The following JMJD1C variants were observed in gnomAD, a reference collection of about 807,000 sequenced individuals.
The protein encoded by JMJD1C is jumonji domain-containing protein 1C.
Under a neutral mutation model 245.3 loss-of-function variants are expected in JMJD1C, and 31 were observed. The ratio of observed to expected loss-of-function variants is 0.13; its 90% confidence interval spans 0.09 to 0.17. The LOEUF (loss-of-function observed/expected upper bound fraction) is 0.17. Among genes scored for constraint, JMJD1C ranks in the 10% least tolerant of loss-of-function variants. JMJD1C has a pLI of 1.00. For synonymous variants in JMJD1C, 1,057 were observed against 1,017.4 expected, an observed-to-expected ratio of 1.04 and a Z score of -0.74; for missense variants, 2,691 against 3,000.2, an observed-to-expected ratio of 0.90 and a Z score of 2.41.
At chr10:63,304,400 G>A (rs1033725927) in intron 2 of JMJD1C, among the ~76,000 whole-genome samples, 2 of 145,980 alleles carry the variant, frequency 1.4e-5, no homozygotes, top group African/African-American at 4.9e-5. Flanking sequence ...AAGATTCACA[G>A]CCAGGAATTT....
At chr10:63,443,886 C>G (rs1951538435) in intron 1 of JMJD1C, among the ~76,000 whole-genome samples, 1 of 152,160 alleles carries the variant, frequency 6.6e-6, no homozygotes, top group South Asian at 2.1e-4. Flanking sequence ...CCAAGGGTAT[C>G]AGAAGCTCTG....
chr10:63,217,301 C>CAA lies in JMJD1C; in HGVS notation c.583_584insTT (p.Arg195IlefsTer16). ...GGTGGCAGAGTCTTGTCTATATACT[C>CAA]TCACTCTGTATCCATTTAAGGAATA... On this transcript the variant is annotated frameshift_variant, in exon 5 of 26. Coordinates refer to ENST00000399262, the MANE Select transcript of JMJD1C (RefSeq NM_032776.3). LOFTEE classifies it high-confidence loss of function. 6.2e-7 allele frequency: 1 copy of CAA among 1,605,828 alleles called. No individual in the cohort carries two copies. Among genetic ancestry groups the CAA allele is most frequent in the East Asian group, 2.2e-5 (1 of 44,658 alleles).
At chr10:63,503,357 A>C (rs981934633) in intron 1 of JMJD1C, among the ~76,000 whole-genome samples, 2 of 152,208 alleles carry the variant, frequency 1.3e-5, no homozygotes, top group African/African-American at 4.8e-5. Context: ...AAAAACTGGG[A>C]GACAAATTAT....
chr10:63,337,436 C>T (rs931057860), intron 2 of JMJD1C, among the ~76,000 whole-genome samples: 20 of 97,696 alleles, frequency 2.0e-4, no homozygotes, highest in African/African-American at 2.2e-4. Flanking sequence ...AGTGAGCCTC[C>T]GTCAGAAAGA....
chr10:63,500,964 A>G (rs1471185017), intron 1 of JMJD1C, among the ~76,000 whole-genome samples: 1 of 152,232 alleles, frequency 6.6e-6, no homozygotes, highest in East Asian at 1.9e-4. Context: ...TCCTCTGTAT[A>G]TCACTTTAAA....
intron 2 of JMJD1C, among the ~76,000 whole-genome samples, chr10:63,365,054 C>T (rs978698984): frequency 2.0e-5 from 3 of 152,174 alleles, no homozygotes; most frequent in Non-Finnish European, 2.9e-5. Flanking sequence ...ATTATTCTAC[C>T]TATGCCAGCT....
intron 1 of JMJD1C, among the ~76,000 whole-genome samples, chr10:63,449,073 C>CA (rs1278940788): frequency 6.6e-6 from 1 of 152,078 alleles, no homozygotes; most frequent in Non-Finnish European, 1.5e-5. Context: ...GCCAAGATCT[C>CA]ACCACTGCAC....
At chr10:63,486,437 A>C (rs915565598) in intron 1 of JMJD1C, among the ~76,000 whole-genome samples, 3 of 152,216 alleles carry the variant, frequency 2.0e-5, no homozygotes, top group African/African-American at 7.2e-5. Context: ...GCAAGGAAGC[A>C]AAGGAATCAG....
chr10:63,203,978 A>T (rs1481054265), intron 10 of JMJD1C: 1 of 983,826 alleles, frequency 1.0e-6, no homozygotes, highest in Admixed American at 6.2e-5. Flanking sequence ...ACTTATGAAA[A>T]CTCCCAACTT....
intron 8 of JMJD1C, among the ~76,000 whole-genome samples, chr10:63,213,225 A>G (rs1359177365): frequency 3.3e-5 from 5 of 151,456 alleles, no homozygotes; most frequent in African/African-American, 1.2e-4. Flanking sequence ...CCAAAAATTT[A>G]AATCTATAAT....
intron 1 of JMJD1C, among the ~76,000 whole-genome samples, chr10:63,399,612 T>C (rs867245628): frequency 1.8e-4 from 28 of 152,154 alleles, no homozygotes; most frequent in Admixed American, 5.2e-4. Context: ...GAAATAATAA[T>C]ACTAACACTA....
chr10:63,289,838 A>G (rs1169749810), intron 2 of JMJD1C, among the ~76,000 whole-genome samples: 3 of 152,160 alleles, frequency 2.0e-5, no homozygotes, highest in African/African-American at 7.2e-5. Flanking sequence ...AAATTATGGC[A>G]TTTTAGAAAG....
intron 2 of JMJD1C, among the ~76,000 whole-genome samples, chr10:63,270,945 C>T (rs573445019): frequency 6.6e-6 from 1 of 152,136 alleles, no homozygotes; most frequent in East Asian, 1.9e-4. Flanking sequence ...TTAGAGCATC[C>T]AGCGAAAATT....
At chr10:63,209,777 C>T (rs897382890) in intron 8 of JMJD1C, among the ~76,000 whole-genome samples, 4 of 152,124 alleles carry the variant, frequency 2.6e-5, no homozygotes, top group African/African-American at 7.2e-5. Flanking sequence ...CAAGGTTGCA[C>T]CATTAAGCTT....
chr10:63,215,480 T>C (rs747554880), intron 6 of JMJD1C, 25 bp from the exon 7 acceptor site: 1 of 1,613,340 alleles, frequency 6.2e-7, no homozygotes, highest in Non-Finnish European at 8.5e-7. Flanking sequence ...TTAACAGTAA[T>C]TGTTTACTAC....
At chr10:63,430,917 T>C (rs1273995455) in intron 1 of JMJD1C, among the ~76,000 whole-genome samples, 1 of 152,166 alleles carries the variant, frequency 6.6e-6, no homozygotes, top group African/African-American at 2.4e-5. Flanking sequence ...CTAATTTTTG[T>C]TTTGTTTTGT....
intron 3 of JMJD1C, among the ~76,000 whole-genome samples, chr10:63,254,637 C>T (rs755830980): frequency 1.3e-5 from 2 of 152,012 alleles, no homozygotes; most frequent in Non-Finnish European, 2.9e-5. Flanking sequence ...ACCTCCTGGG[C>T]TCAAGCAATC....
intron 1 of JMJD1C, among the ~76,000 whole-genome samples, chr10:63,440,766 T>G (rs989850868): frequency 3.7e-4 from 57 of 152,246 alleles, no homozygotes; most frequent in Non-Finnish European, 2.9e-5. Flanking sequence ...TACTGAAGTC[T>G]CCCTAACACT....
At chr10:63,387,982 A>C (rs767640002) in intron 1 of JMJD1C, among the ~76,000 whole-genome samples, 16 of 152,096 alleles carry the variant, frequency 1.1e-4, no homozygotes, top group Non-Finnish European at 1.6e-4. Flanking sequence ...AATCCTCATC[A>C]CATATAGGAC....
Sources: allele counts gnomAD v4.1 joint callset (sites outside exome capture counted in the v4.1 genomes callset), GRCh38; gene constraint gnomAD v4.1.1; transcripts MANE v1.5; gene names NCBI Gene and HGNC (gene_info 2026-07-23, HGNC 2026-07-21).